The following MTRF1L variants were observed in gnomAD, a reference collection of about 807,000 sequenced individuals.
MTRF1L encodes peptide chain release factor 1-like, mitochondrial.
Under a neutral mutation model 40.0 loss-of-function variants are expected in MTRF1L, and 29 were observed. The ratio of observed to expected loss-of-function variants is 0.73; its 90% CI spans 0.54 to 0.99. MTRF1L has a LOEUF of 0.99. Among genes scored for constraint, MTRF1L ranks in the 50% least tolerant of loss-of-function variants. MTRF1L has a pLI of 0.00. For synonymous variants in MTRF1L, 150 were observed against 175.8 expected (o/e 0.85, Z 1.16); for missense variants, 412 against 464.5 (o/e 0.89, Z 1.04).
intron 1 of MTRF1L, among the ~76,000 whole-genome samples, chr6:152,999,264 A>G (rs1778824428): frequency 7.1e-6 from 1 of 140,110 alleles, no homozygotes; most frequent in Non-Finnish European, 1.6e-5. Context: ...TCTACCCTAT[A>G]GATGATATGC....
chr6:152,991,096 A>AATACG, intron 6 of MTRF1L, 89 bp downstream of exon 6: 1 of 847,726 alleles, frequency 1.2e-6, no homozygotes, highest in Non-Finnish European at 1.8e-6. Flanking sequence ...GGTTAAAACA[A>AATACG]ATATATAAAA....
chr6:152,991,703 C>A (rs1170108556), intron 5 of MTRF1L, among the ~76,000 whole-genome samples: 2 of 152,100 alleles, frequency 1.3e-5, no homozygotes, highest in Admixed American at 6.6e-5. Context: ...CCCGCCATCA[C>A]GCCCGGCTAA....
At chr6:152,992,833 T>G (rs776015416) in intron 5 of MTRF1L, 24 bp downstream of exon 5, 1 of 1,545,726 alleles carries the variant, frequency 6.5e-7, no homozygotes, top group African/African-American at 1.4e-5. Context: ...TTTGGTGTCA[T>G]ATATTGAAGG....
chr6:153,002,523 C>G lies in MTRF1L; in HGVS notation c.163G>C (p.Ala55Pro). The change falls in exon 1 of 7, where the codon GCC (alanine) becomes CCC (proline). Residue 55 changes from alanine to proline, a missense_variant. Ala to Pro is a conservative substitution (Grantham distance 27). Coordinates refer to ENST00000367233, the MANE Select transcript of MTRF1L (RefSeq NM_019041.7). ...TCGGGCCTCCTGACCTTCAAATGGG[C>G]TTCAGACCCCGCCTGGCGCTCGAGG... The part of the protein sequence containing the change: ...TFLERQAGSE[A>P]HLKVRRPELL... The G allele has an allele frequency of 6.2e-7, 1 of 1,610,630 alleles. No homozygotes were observed. The highest frequency in any genetic ancestry group is 8.5e-7 in the Non-Finnish European group (1 of 1,178,986).
At chr6:153,000,907 G>A (rs1334257571) in intron 1 of MTRF1L, among the ~76,000 whole-genome samples, 1 of 134,384 alleles carries the variant, frequency 7.4e-6, no homozygotes, top group Non-Finnish European at 1.5e-5. Context: ...AGGGTCTTGC[G>A]CTGTCACCCA....
At position 152,989,695 on chromosome 6, in the gene MTRF1L, C is replaced by T. The variant is rs562506693; in HGVS notation, c.*200G>A. The T allele has an allele frequency of 1.4e-4, 79 of 581,050 alleles. No homozygotes were observed. In the East Asian group the frequency reaches 1.8e-3, roughly 13 times the overall value. 36.0% of individuals were successfully genotyped at this position (581,050 alleles called of 1,614,324 possible). A position where few individuals can be genotyped will look rare whatever the true frequency, so the allele number is the denominator to read the frequency against. On this transcript the variant is annotated 3_prime_UTR_variant, in exon 7 of 7. Transcript: ENST00000367233. ...ATTGGGAATTAACCACAATGTAAAT[C>T]GAGGACCATCTGTATATTGTATGAT...
intron 4 of MTRF1L, 124 bp from the exon 5 acceptor site, chr6:152,993,098 GA>G: frequency 1.4e-6 from 1 of 725,118 alleles, no homozygotes; most frequent in African/African-American, 1.8e-5. Context: ...TTAATTTTAA[GA>G]CTAGAGAGTA....
Position 153,002,547 on chromosome 6 carries a change from G to C in MTRF1L, c.139C>G (p.Leu47Val). The C allele has an allele frequency of 6.3e-7, 1 of 1,597,476 alleles. No individual in the cohort carries two copies. Among genetic ancestry groups the C allele is most frequent in the East Asian group, 2.3e-5 (1 of 43,932 alleles). Residue 47 changes from leucine to valine, a missense_variant, in exon 1 of 7, where the codon CTC becomes GTC. Leu to Val is a conservative substitution (Grantham distance 32). Coordinates refer to ENST00000367233, the MANE Select transcript of MTRF1L (RefSeq NM_019041.7). ...GCTTCAGACCCCGCCTGGCGCTCGAGGAAGGTCCGCAAGGGCCCGCCCCGG... is the reference window on the plus strand; with the variant it reads ...GCTTCAGACCCCGCCTGGCGCTCGACGAAGGTCCGCAAGGGCCCGCCCCGG... ...FTRGGPLRTF[L>V]ERQAGSEAHL...
At chr6:152,994,727 A>T in intron 3 of MTRF1L, 51 bp from the exon 4 acceptor site, 2 of 1,601,246 alleles carry the variant, frequency 1.2e-6, no homozygotes, top group Non-Finnish European at 1.7e-6. Flanking sequence ...GCCATTTATA[A>T]ATAATTGACC....
At chr6:152,999,165 C>T (rs1389447443) in intron 1 of MTRF1L, among the ~76,000 whole-genome samples, 2 of 152,178 alleles carry the variant, frequency 1.3e-5, no homozygotes, top group Non-Finnish European at 1.5e-5. Context: ...ATACGAAGTA[C>T]TCCTCTGTCT....
chr6:152,994,092 T>G (rs1393104928), intron 4 of MTRF1L, among the ~76,000 whole-genome samples: 1 of 152,200 alleles, frequency 6.6e-6, no homozygotes, highest in East Asian at 1.9e-4. Context: ...ATGAACAGTA[T>G]AACAATATAC....
chr6:152,995,024 T>A (rs1297457486), intron 3 of MTRF1L, 112 bp downstream of exon 3: 1 of 990,324 alleles, frequency 1.0e-6, no homozygotes, highest in Admixed American at 3.1e-5. Context: ...AGGTAAATGA[T>A]GAGCATAAAA....
intron 2 of MTRF1L, among the ~76,000 whole-genome samples, chr6:152,996,888 G>A (rs1226191435): frequency 2.0e-5 from 3 of 152,154 alleles, no homozygotes; most frequent in Non-Finnish European, 2.9e-5. Flanking sequence ...GGGACTTCAA[G>A]AAGTTGTATT....
rs751973812 is a variant in MTRF1L, at chr6:152,995,134, A to G, written c.523+2T>C. 1.9e-6 allele frequency: 3 copies of G among 1,603,144 alleles called. No homozygotes were observed. In the Admixed American group the frequency reaches 5.2e-5, roughly 28 times the overall value. On this transcript the variant is annotated splice_donor_variant, in intron 3 of 6. Transcript: ENST00000367233. LOFTEE classifies it high-confidence loss of function. Reference sequence around the variant, plus strand: ...CTGAAACAAAATGAATAGTTTACTGACCTAGTTCACTTGGAAAATATTCCA... The same window carrying G: ...CTGAAACAAAATGAATAGTTTACTGGCCTAGTTCACTTGGAAAATATTCCA...
At chr6:152,991,052 T>C (rs1010125799) in intron 6 of MTRF1L, 133 bp downstream of exon 6, 8 of 537,576 alleles carry the variant, frequency 1.5e-5, no homozygotes, top group African/African-American at 9.9e-5. Flanking sequence ...CAAAGAAGGA[T>C]AGCCCTTAGA....
chr6:152,998,595 A>G lies in MTRF1L; in HGVS notation c.294T>C (p.Asn98=). 6.3e-7 allele frequency: 1 copy of G among 1,597,818 alleles called. No homozygotes were observed. The highest frequency in any genetic ancestry group is 8.5e-7 in the Non-Finnish European group (1 of 1,174,220). The change falls in exon 2 of 7, where the codon AAT becomes AAC. Residue 98 remains asparagine, a synonymous_variant. Transcript: ENST00000367233. ...TTTCTTTTTGACACAAAGTGATTTCATTCTCTGCAAGTTTCCTTAAATCTT... is the reference window on the plus strand; with the variant it reads ...TTTCTTTTTGACACAAAGTGATTTCGTTCTCTGCAAGTTTCCTTAAATCTT... ...ENEDLRKLAE[N]EITLCQKEIT... is the part of the protein sequence containing the mutation.
chr6:152,987,667 T>A lies in MTRF1L; in HGVS notation c.*2228A>T, dbSNP rs1778383442. 2 of 137,298 alleles carry A rather than the reference T, an allele frequency of 1.5e-5. No individual in the cohort carries two copies. Among genetic ancestry groups the A allele is most frequent in the African/African-American group, 5.6e-5 (2 of 35,908 alleles). The allele number at this position is 137,298 out of a possible 1,614,324, so 8.5% of individuals were successfully genotyped here. A position where few individuals can be genotyped will look rare whatever the true frequency, so the allele number is the denominator to read the frequency against. ...AGGAACGTAAGATGACATTTTAAAT[T>A]TGAGAGTGGTAGTACCATTAAAAAC... is the stretch of plus-strand genomic sequence containing the variant. On this transcript the variant is annotated 3_prime_UTR_variant, in exon 7 of 7. Transcript: ENST00000367233.
intron 6 of MTRF1L, among the ~76,000 whole-genome samples, chr6:152,990,888 G>A (rs1335754439): frequency 1.3e-5 from 2 of 152,270 alleles, no homozygotes; most frequent in East Asian, 3.9e-4. Context: ...AAGCCAAGTT[G>A]AGTTTGCTTT....
rs1487054058 is a variant in MTRF1L at position 152,989,805 on chromosome 6, G to A, written c.*90C>T. The A allele has an allele frequency of 4.9e-6, 7 of 1,422,000 alleles. No homozygotes were observed. The highest frequency in any genetic ancestry group is 4.6e-5 in the East Asian group (2 of 43,270). 88.1% of individuals were successfully genotyped at this position (1,422,000 alleles called of 1,614,324 possible). A position where few individuals can be genotyped will look rare whatever the true frequency, so the allele number is the denominator to read the frequency against. ...TTACCTCCAACTGTGTTAACTCAAC[G>A]TTTTTCAAGAGAGTAAGGGTACTTT... On this transcript the variant is annotated 3_prime_UTR_variant, in exon 7 of 7. Coordinates refer to ENST00000367233, the MANE Select transcript of MTRF1L (RefSeq NM_019041.7).
Sources: gnomAD v4.1 joint callset for allele counts (sites outside exome capture counted in the v4.1 genomes callset) on GRCh38, gnomAD v4.1.1 for gene constraint, MANE v1.5 for transcripts, NCBI Gene and HGNC (gene_info 2026-07-23, HGNC 2026-07-21) for gene names.